The following EIF3A variants were observed in gnomAD, a reference collection of about 807,000 sequenced individuals.
The protein encoded by EIF3A is eukaryotic translation initiation factor 3 subunit A, also known as EIF3, p180 subunit.
A neutral mutation model predicts 186.6 loss-of-function variants in EIF3A; 21 were observed. The observed-to-expected ratio is 0.11, with a 90% CI of 0.08 to 0.16. The LOEUF is 0.16. Among genes scored for constraint, EIF3A ranks in the 10% least tolerant of loss-of-function variants. EIF3A has a pLI of 1.00. For synonymous variants in EIF3A, 563 were observed against 584.3 expected (o/e 0.96, Z 0.52); for missense variants, 1,306 against 1,796.3 (o/e 0.73, Z 4.93).
chr10:119,044,649 C>A (rs1484310154), intron 17 of EIF3A, among the ~76,000 whole-genome samples: 2 of 152,188 alleles, frequency 1.3e-5, no homozygotes, highest in Non-Finnish European at 2.9e-5. Context: ...GAGATCAAGA[C>A]CATCCTGGCT....
intron 14 of EIF3A, among the ~76,000 whole-genome samples, chr10:119,052,368 T>TGTGTGTGTGTGTGTGTG (rs1848367766): frequency 1.6e-5 from 2 of 122,972 alleles, no homozygotes; most frequent in East Asian, 2.4e-4. Context: ...TTTTTTGGTT[T>TGTGTGTGTGTGTGTGTG]TGTGTGTGTG....
At chr10:119,072,469 T>C (rs1589696386) in intron 4 of EIF3A, among the ~76,000 whole-genome samples, 1 of 128,954 alleles carries the variant, frequency 7.8e-6, no homozygotes, top group South Asian at 2.6e-4. Context: ...TTTTGTTTTG[T>C]TTTGAGACAG....
At chr10:119,043,678 G>T (rs970302585) in intron 18 of EIF3A, among the ~76,000 whole-genome samples, 1 of 152,066 alleles carries the variant, frequency 6.6e-6, no homozygotes, top group Non-Finnish European at 1.5e-5. Flanking sequence ...CCAGCAATTT[G>T]AGAGGCTGAG....
At chr10:119,061,630 A>C (rs1469678859) in intron 7 of EIF3A, among the ~76,000 whole-genome samples, 1 of 152,200 alleles carries the variant, frequency 6.6e-6, no homozygotes, top group Non-Finnish European at 1.5e-5. Context: ...TGGCCAATAG[A>C]ATATTTTATT....
intron 17 of EIF3A, among the ~76,000 whole-genome samples, chr10:119,048,106 G>C (rs886669466): frequency 6.6e-6 from 1 of 151,186 alleles, no homozygotes; most frequent in Admixed American, 6.6e-5. Flanking sequence ...GCAGCAACAC[G>C]GAAGACTACT....
intron 4 of EIF3A, among the ~76,000 whole-genome samples, chr10:119,072,024 C>CAAAAAAAAAAAAAAAAAAAAA: frequency 3.5e-4 from 21 of 59,430 alleles, no homozygotes; most frequent in East Asian, 5.1e-4. Flanking sequence ...GACTCTGTCT[C>CAAAAAAAAAAAAAAAAAAAAA]AAAAAAAAAA....
chr10:119,061,254 G>T lies in EIF3A; in HGVS notation c.1197C>A (p.Asn399Lys). Residue 399 changes from asparagine (N) to lysine (K), a missense_variant, in exon 8 of 22, where the codon AAC (asparagine) becomes AAA (lysine). Physicochemically the swap from Asn to Lys is moderately conservative, Grantham distance 94. Around this residue, in one of 8 missense-constraint regions of EIF3A, gnomAD observed 267 missense variants for 367.8 expected, o/e 0.73. Transcript: ENST00000369144. ...TGACTCGCTCACAGAGTTTTAATGGGTTAAATTCTACTTCAAGCCAATTGT... is the reference window on the plus strand; with the variant it reads ...TGACTCGCTCACAGAGTTTTAATGGTTTAAATTCTACTTCAAGCCAATTGT... The part of the protein sequence containing the change: ...DLYNWLEVEF[N>K]PLKLCERVTK... The T allele has an allele frequency of 6.3e-7, 1 of 1,590,410 alleles. No homozygotes were observed. The highest frequency in any genetic ancestry group is 8.6e-7 in the Non-Finnish European group (1 of 1,164,200).
chr10:119,060,695 T>C, intron 9 of EIF3A, 51 bp downstream of exon 9: 2 of 1,431,844 alleles, frequency 1.4e-6, no homozygotes, highest in African/African-American at 1.4e-5. Context: ...GTTTTTAGTT[T>C]CATGATGAGC....
In EIF3A at chr10:119,041,990, T is replaced by G; in HGVS notation, c.3526+4A>C. On this transcript the variant is annotated splice_donor_region_variant and intron_variant, in intron 19 of 21. Coordinates refer to ENST00000369144, the MANE Select transcript of EIF3A (RefSeq NM_003750.4). ...TAAGCATATTCTAGGAAATAGAATT[T>G]TACCTGGCTTGACTAATGGTCTCCA... The G allele has an allele frequency of 1.9e-6, 3 of 1,613,032 alleles. No homozygotes were observed. The highest frequency in any genetic ancestry group is 2.5e-6 in the Non-Finnish European group (3 of 1,179,216).
At chr10:119,065,684 AC>A in intron 6 of EIF3A, 114 bp from the exon 7 acceptor site, 1 of 700,816 alleles carries the variant, frequency 1.4e-6, no homozygotes, top group Non-Finnish European at 2.5e-6. Context: ...CGTGTACATC[AC>A]CATGGTGCAC....
At position 119,074,078 on chromosome 10, in the gene EIF3A, T is replaced by G; in HGVS notation, c.50-141A>C. On this transcript the variant is annotated intron_variant, in intron 1 of 21. Coordinates refer to ENST00000369144, the MANE Select transcript of EIF3A (RefSeq NM_003750.4). The stretch of plus-strand genomic sequence containing the variant: ...CATTTATTTTTGACTTCTAAAGCTA[T>G]GCCATAATTATCAAAAGTAAAACAA... The G allele has an allele frequency of 4.5e-6, 3 of 667,060 alleles. No individual in the cohort carries two copies. In the East Asian group the frequency reaches 8.7e-5, roughly 19 times the overall value. The allele number at this position is 667,060 out of a possible 1,614,324, so 41.3% of individuals were successfully genotyped here.
chr10:119,038,479 T>A (rs1848166164), intron 19 of EIF3A, 40 bp from the exon 20 acceptor site: 1 of 1,521,348 alleles, frequency 6.6e-7, no homozygotes, highest in Non-Finnish European at 9.0e-7. Flanking sequence ...AAAATATTTT[T>A]AAAAGAAGAA....
intron 17 of EIF3A, among the ~76,000 whole-genome samples, chr10:119,047,962 G>A (rs562813435): frequency 1.2e-4 from 19 of 152,042 alleles, no homozygotes; most frequent in Non-Finnish European, 2.8e-4. Flanking sequence ...GGGGCAAACA[G>A]GGCACCTCCC....
At chr10:119,057,647 C>T (rs574262707) in intron 12 of EIF3A, among the ~76,000 whole-genome samples, 1 of 152,186 alleles carries the variant, frequency 6.6e-6, no homozygotes, top group South Asian at 2.1e-4. Context: ...TGGTGGCAGG[C>T]GCCTGTAATC....
chr10:119,039,223 C>T (rs1848176047), intron 19 of EIF3A, among the ~76,000 whole-genome samples: 1 of 152,138 alleles, frequency 6.6e-6, no homozygotes, highest in Non-Finnish European at 1.5e-5. Context: ...ATTATCTAGT[C>T]ATTAATCATG....
At chr10:119,075,037 A>G (rs1306355559) in intron 1 of EIF3A, among the ~76,000 whole-genome samples, 1 of 140,046 alleles carries the variant, frequency 7.1e-6, no homozygotes, top group Non-Finnish European at 1.5e-5. Flanking sequence ...GCTGGAGTAC[A>G]CTGGCGTCAT....
In EIF3A at chr10:119,077,360, A is replaced by G. The variant is rs1374945071; in HGVS notation, c.49+3268T>C. The stretch of plus-strand genomic sequence containing the variant: ...CAGCTACTTGGGAGGCTGAGGCAGG[A>G]GAATCGCTTGAGCCTGGGAGGCGGA... On this transcript the variant is annotated intron_variant, in intron 1 of 21. Transcript: ENST00000369144. Among the ~76,000 whole-genome samples, 6 of 151,852 alleles carry G rather than the reference A, an allele frequency of 4.0e-5. 1 individual carries two copies. Among genetic ancestry groups the G allele is most frequent in the Admixed American group, 3.9e-4 (6 of 15,244 alleles).
chr10:119,050,609 T>C lies in EIF3A; in HGVS notation c.2385A>G (p.Lys795=). ...TCCTGCGTTCTTCTTTACGCTGCCT[T>C]TTCCGTTCTTCCAATCGATTATGCC... The part of the protein sequence containing the change: ...EERHNRLEER[K]RQRKEERRIT... The change falls in exon 16 of 22, where the codon AAA becomes AAG. Residue 795 remains lysine (K), a synonymous_variant. Transcript: ENST00000369144. The C allele has an allele frequency of 1.9e-6, 3 of 1,614,122 alleles. No individual in the cohort carries two copies. The highest frequency in any genetic ancestry group is 2.2e-5 in the South Asian group (2 of 91,082).
chr10:119,057,434 T>C (rs1183001794), intron 12 of EIF3A, among the ~76,000 whole-genome samples: 1 of 152,128 alleles, frequency 6.6e-6, no homozygotes, highest in African/African-American at 2.4e-5. Context: ...TGCACAAAAT[T>C]ATGTAAAATA....
Sources: allele counts gnomAD v4.1 joint callset (sites outside exome capture counted in the v4.1 genomes callset), GRCh38; gene constraint gnomAD v4.1.1; regional missense constraint gnomAD v4.1.1; transcripts MANE v1.5; gene names NCBI Gene and HGNC (gene_info 2026-07-23, HGNC 2026-07-21).